The following GRIK1 variants were observed in gnomAD, a reference collection of about 807,000 sequenced individuals.
GRIK1 encodes the protein glutamate receptor ionotropic, kainate 1.
In GRIK1, 69 loss-of-function variants were observed where a neutral mutation model predicts 105.7. The observed-to-expected ratio is 0.65, with a 90% CI of 0.54 to 0.80. The LOEUF (loss-of-function observed/expected upper bound fraction) is 0.80, where lower values mean the gene tolerates loss of function less well. Among genes scored for constraint, GRIK1 ranks in the 30% least tolerant of loss-of-function variants. GRIK1 has a pLI of 0.00. For synonymous variants in GRIK1, 438 were observed against 431.3 expected, an observed-to-expected ratio of 1.02 and a Z score of -0.19; for missense variants, 1,109 against 1,167.3, an observed-to-expected ratio of 0.95 and a Z score of 0.73.
intron 1 of GRIK1, among the ~76,000 whole-genome samples, chr21:29,730,251 TA>T (rs2064578887): frequency 6.6e-6 from 1 of 152,218 alleles, no homozygotes; most frequent in Non-Finnish European, 1.5e-5. Flanking sequence ...ATAATTATTG[TA>T]TTTTTTTAAA....
chr21:29,863,984 T>C (rs1293475479), intron 1 of GRIK1, among the ~76,000 whole-genome samples: 1 of 152,160 alleles, frequency 6.6e-6, no homozygotes, highest in Non-Finnish European at 1.5e-5. Flanking sequence ...TAGGAATTCG[T>C]TGTTGTCTAG....
At chr21:29,930,057 A>G (rs1379137490) in intron 1 of GRIK1, among the ~76,000 whole-genome samples, 1 of 152,220 alleles carries the variant, frequency 6.6e-6, no homozygotes, top group Non-Finnish European at 1.5e-5. Flanking sequence ...TTATTTTCTT[A>G]ACCATTCTCT....
intron 1 of GRIK1, among the ~76,000 whole-genome samples, chr21:29,875,345 G>A (rs2069155582): frequency 6.6e-6 from 1 of 152,122 alleles, no homozygotes; most frequent in South Asian, 2.1e-4. Context: ...TAAATGTCAG[G>A]AGTCTCATCC....
intron 1 of GRIK1, among the ~76,000 whole-genome samples, chr21:29,831,012 T>C (rs953108653): frequency 4.6e-5 from 7 of 152,152 alleles, no homozygotes; most frequent in African/African-American, 1.7e-4. Flanking sequence ...ACCTTGTCTA[T>C]ATGGACATTT....
At chr21:29,832,639 G>A (rs748712509) in intron 1 of GRIK1, among the ~76,000 whole-genome samples, 1 of 152,160 alleles carries the variant, frequency 6.6e-6, no homozygotes, top group Non-Finnish European at 1.5e-5. Context: ...TGGAGCTGCT[G>A]GGATGCAGGG....
intron 1 of GRIK1, among the ~76,000 whole-genome samples, chr21:29,876,180 T>G (rs1006765710): frequency 6.6e-6 from 1 of 151,680 alleles, no homozygotes; most frequent in African/African-American, 2.4e-5. Flanking sequence ...GTACTTGGGT[T>G]TTGGGTAGAC....
At chr21:29,581,651 A>T (rs1162082709) in intron 12 of GRIK1, 108 bp from the exon 13 acceptor site, 5 of 667,096 alleles carry the variant, frequency 7.5e-6, no homozygotes, top group Non-Finnish European at 1.3e-5. Flanking sequence ...TAATCACAAA[A>T]GCTTCAAACC....
intron 1 of GRIK1, among the ~76,000 whole-genome samples, chr21:29,835,634 G>A (rs1300677867): frequency 6.6e-6 from 1 of 152,042 alleles, no homozygotes; most frequent in Admixed American, 6.6e-5. Flanking sequence ...GGAATTCTGG[G>A]GCTTCAAACC....
chr21:29,688,129 A>G lies in GRIK1; in HGVS notation c.544+1599T>C, dbSNP rs566201326. Among the ~76,000 whole-genome samples the G allele has an allele frequency of 8.5e-5, 13 of 152,344 alleles. 1 individual carries two copies. In the South Asian group the frequency reaches 2.7e-3, roughly 32 times the overall value. ...TTTATTCCTTCACAGCAAGCAGGTA[A>G]AGTTCTAAAAATATGGCTGCTTGTA... On this transcript the variant is annotated intron_variant, in intron 3 of 17. Coordinates refer to ENST00000327783, the MANE Select transcript of GRIK1 (RefSeq NM_001330994.2).
intron 1 of GRIK1, among the ~76,000 whole-genome samples, chr21:29,798,829 A>T (rs1285207213): frequency 2.0e-5 from 3 of 152,336 alleles, no homozygotes; most frequent in South Asian, 2.1e-4. Flanking sequence ...TGGGTTAAAA[A>T]TGACACTATA....
intron 1 of GRIK1, among the ~76,000 whole-genome samples, chr21:29,832,286 T>C (rs427240): frequency 0.39 from 59,095 of 152,054 alleles, 12,575 homozygotes; most frequent in East Asian, 0.7. Flanking sequence ...TCAGTGGATC[T>C]ACCATTCCGA....
intron 1 of GRIK1, among the ~76,000 whole-genome samples, chr21:29,874,888 A>C (rs2069137205): frequency 6.6e-6 from 1 of 152,186 alleles, no homozygotes; most frequent in African/African-American, 2.4e-5. Context: ...ATTACATTTT[A>C]AAAGCCTATT....
chr21:29,727,812 G>A (rs966395535), intron 1 of GRIK1, among the ~76,000 whole-genome samples: 1 of 152,206 alleles, frequency 6.6e-6, no homozygotes, highest in African/African-American at 2.4e-5. Flanking sequence ...GGTTCACACA[G>A]TTATGGAGGC....
intron 1 of GRIK1, among the ~76,000 whole-genome samples, chr21:29,905,882 C>T (rs1365280239): frequency 1.3e-5 from 2 of 152,158 alleles, no homozygotes; most frequent in Non-Finnish European, 2.9e-5. Flanking sequence ...CCGACCTCGG[C>T]CTCCCAAAGT....
At chr21:29,763,386 A>G (rs2065578017) in intron 1 of GRIK1, among the ~76,000 whole-genome samples, 1 of 149,100 alleles carries the variant, frequency 6.7e-6, no homozygotes, top group African/African-American at 2.5e-5. Context: ...TACCCCATTC[A>G]GGCATTCTTT....
At chr21:29,888,447 G>C (rs571263364) in intron 1 of GRIK1, among the ~76,000 whole-genome samples, 34 of 151,012 alleles carry the variant, frequency 2.3e-4, no homozygotes, top group African/African-American at 6.8e-4. Context: ...GTACTTTTTT[G>C]TACAGATGGT....
chr21:29,918,002 G>A (rs1042603235), intron 1 of GRIK1, among the ~76,000 whole-genome samples: 1 of 151,904 alleles, frequency 6.6e-6, no homozygotes, highest in Non-Finnish European at 1.5e-5. Context: ...GCATTATATA[G>A]AGAAAGATGA....
intron 16 of GRIK1, chr21:29,553,617 A>G (rs202025314): frequency 6.2e-7 from 1 of 1,609,536 alleles, no homozygotes; most frequent in African/African-American, 1.3e-5. Flanking sequence ...AATTTACCAC[A>G]TTCTAAATCC....
intron 1 of GRIK1, among the ~76,000 whole-genome samples, chr21:29,860,083 A>G (rs467710): frequency 0.34 from 51,053 of 152,142 alleles, 9,587 homozygotes; most frequent in African/African-American, 0.5. Context: ...AAGACACATC[A>G]TGGAGGAAAG....
Sources: gnomAD v4.1 joint callset for allele counts (sites outside exome capture counted in the v4.1 genomes callset) on GRCh38, gnomAD v4.1.1 for gene constraint, MANE v1.5 for transcripts, NCBI Gene and HGNC (gene_info 2026-07-23, HGNC 2026-07-21) for gene names.